The following DNAH7 variants were observed in gnomAD, a reference collection of about 807,000 sequenced individuals.
DNAH7 encodes dynein axonemal heavy chain 7.
Under a neutral mutation model 444.6 loss-of-function variants are expected in DNAH7, and 397 were observed. That is an observed-to-expected ratio of 0.89 (90% confidence interval 0.82 to 0.97). DNAH7 has a LOEUF of 0.97. Among genes scored for constraint, DNAH7 ranks in the 50% least tolerant of loss-of-function variants. The probability of loss-of-function intolerance (pLI) is 0.00; values close to 1 mark genes in which losing one functional copy is unlikely to be tolerated. For missense variants in DNAH7, 4,902 were observed against 4,800.8 expected (o/e 1.02, Z -0.62); for synonymous variants, 1,636 against 1,624.4 (o/e 1.01, Z -0.17).
rs567811495 is a variant in DNAH7, at chr2:195,940,675, T to TAA, written c.3079-3885_3079-3884dup. On this transcript the variant is annotated intron_variant, in intron 19 of 64. Coordinates refer to ENST00000312428, the MANE Select transcript of DNAH7 (RefSeq NM_018897.3). ...GAATCTACAAGGAACTTAAGCCAATTAAAAAAAAAACCAACCCCATCAAAA... is the reference window on the plus strand; with the variant it reads ...GAATCTACAAGGAACTTAAGCCAATTAAAAAAAAAAAACCAACCCCATCAAAA... Among the ~76,000 whole-genome samples the TAA allele has an allele frequency of 1.1e-3, 166 of 145,094 alleles. 2 individuals carry two copies. The highest frequency in any genetic ancestry group is 4.0e-3 in the African/African-American group (158 of 39,798).
In DNAH7 at chr2:195,831,518, T is replaced by C. The variant is rs561491119; in HGVS notation, c.9100+2688A>G. Among the ~76,000 whole-genome samples the C allele has an allele frequency of 3.9e-5, 6 of 152,350 alleles. 1 individual carries two copies. The highest frequency in any genetic ancestry group is 1.3e-4 in the Admixed American group (2 of 15,300). On this transcript the variant is annotated intron_variant, in intron 48 of 64. Transcript: ENST00000312428. ...GAAGAGTCTTTATGTCGTAAATGTATAACAGTAACCAATTCTTTTACTTGA... is the reference window on the plus strand; with the variant it reads ...GAAGAGTCTTTATGTCGTAAATGTACAACAGTAACCAATTCTTTTACTTGA...
intron 6 of DNAH7, 144 bp from the exon 7 acceptor site, chr2:196,027,084 T>C: frequency 3.4e-6 from 2 of 596,460 alleles, no homozygotes; most frequent in African/African-American, 1.9e-5. Context: ...TTCACATAGG[T>C]ATTATTTGAG....
intron 31 of DNAH7, among the ~76,000 whole-genome samples, chr2:195,890,390 T>C (rs1701948884): frequency 1.3e-5 from 2 of 152,240 alleles, no homozygotes; most frequent in South Asian, 4.1e-4. Flanking sequence ...CATTTGACTC[T>C]ACTACTTATG....
At chr2:195,978,605 AC>A (rs1254703207) in intron 15 of DNAH7, among the ~76,000 whole-genome samples, 1 of 152,114 alleles carries the variant, frequency 6.6e-6, no homozygotes, top group Non-Finnish European at 1.5e-5. Flanking sequence ...AATGGACTAA[AC>A]TCTCCAATCA....
intron 36 of DNAH7, among the ~76,000 whole-genome samples, chr2:195,877,742 G>A (rs915007080): frequency 1.3e-5 from 2 of 152,158 alleles, no homozygotes; most frequent in Non-Finnish European, 1.5e-5. Context: ...GTAACAAGCT[G>A]GTCAGAGATT....
chr2:195,993,210 G>T (rs776195030), intron 12 of DNAH7, among the ~76,000 whole-genome samples: 3 of 152,160 alleles, frequency 2.0e-5, no homozygotes, highest in Non-Finnish European at 2.9e-5. Flanking sequence ...CAAGCCCCAG[G>T]ACTGACTTGC....
chr2:195,902,659 G>A (rs1574717088), intron 27 of DNAH7: 1 of 152,182 alleles, frequency 6.6e-6, no homozygotes, highest in African/African-American at 2.4e-5. Flanking sequence ...TTAGCAATAC[G>A]GTTGTGGAAA....
rs1688163053 is a variant in DNAH7, at chr2:195,923,729, G to A, written c.3691C>T (p.Gln1231Ter). 2 of 1,614,120 alleles carry A rather than the reference G, an allele frequency of 1.2e-6. No individual in the cohort carries two copies. Among genetic ancestry groups the A allele is most frequent in the South Asian group, 1.1e-5 (1 of 91,080 alleles). ...AGTGCTCCCAGAGTTACGCGATTCT[G>A]CATGGACAATTTGCCACGCACCAAA... is the stretch of plus-strand genomic sequence containing the variant. ...VTLVRGKLSM[Q>*]NRVTLGALVV... Residue 1231 changes from glutamine (Q) to a stop codon, truncating the protein, a stop_gained, in exon 23 of 65, where the codon CAG becomes TAG. Coordinates refer to ENST00000312428, the MANE Select transcript of DNAH7 (RefSeq NM_018897.3). LOFTEE classifies it high-confidence loss of function.
intron 57 of DNAH7, among the ~76,000 whole-genome samples, chr2:195,790,006 GAGC>G (rs781203552): frequency 6.6e-6 from 1 of 152,048 alleles, no homozygotes; most frequent in Non-Finnish European, 1.5e-5. Context: ...GTACAAAAAT[GAGC>G]AGCATTTCCA....
chr2:195,960,114 G>T, intron 18 of DNAH7, 146 bp downstream of exon 18: 1 of 670,516 alleles, frequency 1.5e-6, no homozygotes, highest in Non-Finnish European at 2.4e-6. Context: ...GAAATGCTAA[G>T]TATGAAATGC....
intron 10 of DNAH7, among the ~76,000 whole-genome samples, chr2:196,002,811 C>G (rs1694123232): frequency 6.6e-6 from 1 of 151,956 alleles, no homozygotes; most frequent in Non-Finnish European, 1.5e-5. Flanking sequence ...AGTTCAAGAC[C>G]AGCCTGGCCA....
At position 195,894,975 on chromosome 2, in the gene DNAH7, C is replaced by T. The variant is rs1476471759; in HGVS notation, c.4896+1G>A. Reference sequence around the variant, plus strand: ...AATTAATGCATTAATAATATACTTGCCTTTTCACATATATCATTTAGTGCT... The same window carrying T: ...AATTAATGCATTAATAATATACTTGTCTTTTCACATATATCATTTAGTGCT... On this transcript the variant is annotated splice_donor_variant, in intron 30 of 64. Transcript: ENST00000312428. LOFTEE classifies it high-confidence loss of function. 4.4e-6 allele frequency: 7 copies of T among 1,597,438 alleles called. No homozygotes were observed. Among genetic ancestry groups the T allele is most frequent in the Non-Finnish European group, 5.1e-6 (6 of 1,170,352 alleles).
intron 57 of DNAH7, among the ~76,000 whole-genome samples, chr2:195,789,093 A>G (rs1021870406): frequency 1.3e-5 from 2 of 152,192 alleles, no homozygotes; most frequent in African/African-American, 4.8e-5. Flanking sequence ...GGGGCAAGAT[A>G]GGTACACCAT....
intron 51 of DNAH7, among the ~76,000 whole-genome samples, chr2:195,811,755 A>C (rs1696979653): frequency 6.6e-6 from 1 of 152,180 alleles, no homozygotes; most frequent in Admixed American, 6.5e-5. Context: ...ACATGAGAGA[A>C]TGGTCTTGAT....
chr2:195,805,199 C>T (rs777064570), intron 54 of DNAH7, among the ~76,000 whole-genome samples: 4 of 151,948 alleles, frequency 2.6e-5, no homozygotes, highest in Non-Finnish European at 5.9e-5. Context: ...AAAACTGCTG[C>T]AATTAGGAAA....
At chr2:195,860,923 A>G (rs1546703) in intron 42 of DNAH7, among the ~76,000 whole-genome samples, 13,920 of 152,118 alleles carry the variant, frequency 0.092, 709 homozygotes, top group African/African-American at 0.13. Flanking sequence ...ATATTCAAAC[A>G]TTTAAAAGTA....
chr2:196,004,995 G>T (rs1485840588), intron 10 of DNAH7, among the ~76,000 whole-genome samples: 4 of 150,132 alleles, frequency 2.7e-5, no homozygotes, highest in Admixed American at 6.6e-5. Flanking sequence ...AAAGGGCTGG[G>T]TGCAGTGGCT....
intron 24 of DNAH7, among the ~76,000 whole-genome samples, 171 bp from the exon 25 acceptor site, chr2:195,910,366 T>C (rs1257288626): frequency 6.6e-6 from 1 of 152,208 alleles, no homozygotes; most frequent in Non-Finnish European, 1.5e-5. Context: ...ACTTTGTCTG[T>C]TATTATATTT....
At chr2:196,064,978 T>A (rs1424116931) in intron 1 of DNAH7, among the ~76,000 whole-genome samples, 1 of 152,184 alleles carries the variant, frequency 6.6e-6, no homozygotes, top group East Asian at 1.9e-4. Context: ...GTAACATAAA[T>A]ATATATGTGC....
Sources: allele counts gnomAD v4.1 joint callset (sites outside exome capture counted in the v4.1 genomes callset), GRCh38; gene constraint gnomAD v4.1.1; transcripts MANE v1.5; gene names NCBI Gene and HGNC (gene_info 2026-07-23, HGNC 2026-07-21).